The following RALGPS1 variants were observed in gnomAD, a reference collection of about 807,000 sequenced individuals.
RALGPS1 encodes the protein Ral GEF with PH domain and SH3 binding motif 1.
RALGPS1 carries 19 observed loss-of-function variants against 78.8 expected under a neutral mutation model. The observed-to-expected ratio is 0.24, with a 90% CI of 0.17 to 0.35. The LOEUF is 0.35. Ranked by LOEUF, RALGPS1 falls within the 10% of genes least tolerant of loss-of-function variation. The pLI is 1.00. For missense variants in RALGPS1, 454 were observed against 688.3 expected (o/e 0.66, Z 3.81); for synonymous variants, 228 against 256.3 (o/e 0.89, Z 1.06).
intron 8 of RALGPS1, among the ~76,000 whole-genome samples, chr9:127,082,963 G>T (rs1319492177): frequency 1.3e-5 from 2 of 152,174 alleles, no homozygotes; most frequent in Non-Finnish European, 1.5e-5. Flanking sequence ...GCACAGCCAG[G>T]TGTCATGTTA....
intron 4 of RALGPS1, among the ~76,000 whole-genome samples, chr9:127,023,463 CCTTG>C (rs1304627565): frequency 6.6e-6 from 1 of 152,142 alleles, no homozygotes; most frequent in Non-Finnish European, 1.5e-5. Flanking sequence ...CTTCCTCTTT[CCTTG>C]CTTCCTTGTT....
chr9:127,002,692 T>C (rs370585399), intron 4 of RALGPS1, among the ~76,000 whole-genome samples: 17 of 149,624 alleles, frequency 1.1e-4, no homozygotes, highest in African/African-American at 4.2e-4. Flanking sequence ...CGAGAATATG[T>C]GGTGTTTGGT....
chr9:127,121,623 T>C lies in RALGPS1; in HGVS notation c.611-44446T>C, dbSNP rs149974212. Among the ~76,000 whole-genome samples, 717 of 152,340 alleles carry C rather than the reference T, an allele frequency of 4.7e-3. 8 individuals are homozygous for C. The highest frequency in any genetic ancestry group is 0.016 in the African/African-American group (673 of 41,596). ...GAGTGCTTTCAGGCGACTTGGTATG[T>C]GGAGCCCCTGCTGTCCCCTTGCGGG... On this transcript the variant is annotated intron_variant, in intron 8 of 18. Transcript: ENST00000259351.
At chr9:127,067,927 C>T (rs898454979) in intron 7 of RALGPS1, among the ~76,000 whole-genome samples, 1 of 152,246 alleles carries the variant, frequency 6.6e-6, no homozygotes, top group Non-Finnish European at 1.5e-5. Flanking sequence ...TTGCCATTTT[C>T]TGGCACTGGG....
intron 8 of RALGPS1, among the ~76,000 whole-genome samples, chr9:127,162,218 T>G (rs1458840778): frequency 6.6e-6 from 1 of 152,198 alleles, no homozygotes; most frequent in Admixed American, 6.5e-5. Flanking sequence ...CAAGACACAC[T>G]TCCTGCCCTT....
chr9:127,214,366 C>T (rs776970651), intron 17 of RALGPS1, among the ~76,000 whole-genome samples: 2 of 152,160 alleles, frequency 1.3e-5, no homozygotes, highest in Non-Finnish European at 2.9e-5. Context: ...AGTGCAGTAT[C>T]GGACCGTACT....
intron 14 of RALGPS1, among the ~76,000 whole-genome samples, chr9:127,208,793 C>A (rs998423424): frequency 9.8e-5 from 15 of 152,326 alleles, no homozygotes; most frequent in Admixed American, 9.8e-4. Context: ...AGCTCTCCAT[C>A]AACAGATGTC....
chr9:127,183,164 C>T lies in RALGPS1; in HGVS notation c.910+8382C>T, dbSNP rs1361363573. ...GAAGGATCCGCCCCCGACCCAGTCA[C>T]CCCACCAGGCCTCGCCTCCAACACT... On this transcript the variant is annotated intron_variant, in intron 11 of 18. Coordinates refer to ENST00000259351, the MANE Select transcript of RALGPS1 (RefSeq NM_014636.3). This position sits in a 1 kb window ranked among gnomAD's most constrained non-coding sequence, Gnocchi z 4.0. Among the ~76,000 whole-genome samples, 3 of 146,712 alleles carry T rather than the reference C, an allele frequency of 2.0e-5. No homozygotes were observed. The highest frequency in any genetic ancestry group is 4.5e-5 in the Non-Finnish European group (3 of 66,148).
chr9:126,995,260 A>G (rs1380987218), intron 4 of RALGPS1, among the ~76,000 whole-genome samples: 12 of 152,170 alleles, frequency 7.9e-5, no homozygotes, highest in Admixed American at 7.2e-4. Context: ...GTCAAGACCC[A>G]TCAGTGTGCT....
rs558219110 is a variant in RALGPS1, at chr9:126,936,924, G to A, written c.-66+21949G>A. ...GTACAGTGGCATGATACTGTCTCAC[G>A]AAAACCTCCATCTCCCAAATAGTTC... On this transcript the variant is annotated intron_variant, in intron 1 of 18. Transcript: ENST00000259351. 2.0e-5 allele frequency among the ~76,000 whole-genome samples: 3 copies of A among 150,466 alleles called. No homozygotes were observed. The South Asian group carries it at 6.3e-4, about 32-fold the overall frequency.
chr9:127,209,532 C>T (rs1292811170), intron 14 of RALGPS1, among the ~76,000 whole-genome samples: 2 of 152,188 alleles, frequency 1.3e-5, no homozygotes, highest in Non-Finnish European at 2.9e-5. Flanking sequence ...TATTACCACC[C>T]TGACACCCGT....
At chr9:126,996,507 C>T (rs1358583729) in intron 4 of RALGPS1, among the ~76,000 whole-genome samples, 3 of 152,116 alleles carry the variant, frequency 2.0e-5, no homozygotes, top group Non-Finnish European at 4.4e-5. Context: ...CTGAATAGAC[C>T]AATAACAGGC....
chr9:126,989,922 C>T, intron 4 of RALGPS1: 1 of 1,550,454 alleles, frequency 6.4e-7, no homozygotes, highest in Non-Finnish European at 8.7e-7. Flanking sequence ...TGGAAGACTC[C>T]CTGCAGAAGT....
At chr9:127,118,333 A>G (rs138378840) in intron 8 of RALGPS1, among the ~76,000 whole-genome samples, 1 of 152,364 alleles carries the variant, frequency 6.6e-6, no homozygotes. Flanking sequence ...AACTACCCCC[A>G]GAATGAGGCT....
At chr9:127,195,034 C>T in intron 11 of RALGPS1, 57 bp from the exon 12 acceptor site, 2 of 1,595,034 alleles carry the variant, frequency 1.3e-6, no homozygotes, top group African/African-American at 1.3e-5. Context: ...CCAGCCTGTG[C>T]AGCCCCTCAC....
chr9:127,042,695 T>A (rs1229997712), intron 5 of RALGPS1, among the ~76,000 whole-genome samples: 5 of 152,050 alleles, frequency 3.3e-5, no homozygotes, highest in Non-Finnish European at 7.4e-5. Context: ...AATAAATAAA[T>A]AAAATGTATA....
chr9:127,206,733 C>T (rs148047534), intron 14 of RALGPS1, among the ~76,000 whole-genome samples: 46 of 152,272 alleles, frequency 3.0e-4, no homozygotes, highest in African/African-American at 1.0e-3. Context: ...CTCCAACCTC[C>T]TAGCCCAGAA....
At chr9:127,080,289 G>A (rs905944113) in intron 8 of RALGPS1, among the ~76,000 whole-genome samples, 2 of 152,200 alleles carry the variant, frequency 1.3e-5, no homozygotes, top group African/African-American at 4.8e-5. Flanking sequence ...GGCATTTGGT[G>A]CCCACTCATT....
chr9:127,178,564 T>G (rs1169980452), intron 11 of RALGPS1: 1 of 877,982 alleles, frequency 1.1e-6, no homozygotes, highest in Non-Finnish European at 1.4e-6. Context: ...AGCTTTTAGC[T>G]AAATATCACT....
Sources: allele counts gnomAD v4.1 joint callset (sites outside exome capture counted in the v4.1 genomes callset), GRCh38; gene constraint gnomAD v4.1.1; non-coding constraint Gnocchi (gnomAD v3.1); transcripts MANE v1.5; gene names NCBI Gene and HGNC (gene_info 2026-07-23, HGNC 2026-07-21).